The following AKAP6 variants were observed in gnomAD, a reference collection of about 807,000 sequenced individuals.
The protein encoded by AKAP6 is A-kinase anchoring protein 6.
AKAP6 carries 58 observed loss-of-function variants against 188.5 expected under a neutral mutation model. The observed-to-expected ratio is 0.31, with a 90% CI of 0.25 to 0.38. The LOEUF is 0.38. Ranked by LOEUF, AKAP6 falls within the 10% of genes least tolerant of loss-of-function variation. The pLI is 1.00. For synonymous variants in AKAP6, 989 were observed against 998.6 expected (o/e 0.99, Z 0.18); for missense variants, 2,710 against 2,740.0 (o/e 0.99, Z 0.24).
At chr14:32,815,644 C>T (rs887752892) in intron 12 of AKAP6, among the ~76,000 whole-genome samples, 1 of 152,078 alleles carries the variant, frequency 6.6e-6, no homozygotes, top group East Asian at 1.9e-4. Context: ...TTTGGTCGTA[C>T]CAAAGAGATT....
At position 32,732,489 on chromosome 14, in the gene AKAP6, A is replaced by G. The variant is rs757407884; in HGVS notation, c.3036A>G (p.Lys1012=). 2 of 1,613,472 alleles carry G rather than the reference A, an allele frequency of 1.2e-6. No individual in the cohort carries two copies. The highest frequency in any genetic ancestry group is 1.7e-5 in the Admixed American group (1 of 59,892). ...YSVEMSIRHL[K]KTELLSKVEA... is the part of the protein sequence containing the mutation. ...TGGAAATGTCCATCAGACACCTGAA[A>G]AAGACGGAGCTGCTTAGTAAGGTTG... The change falls in exon 10 of 14, where the codon AAA becomes AAG. Residue 1012 remains lysine, a synonymous_variant. Coordinates refer to ENST00000280979, the MANE Select transcript of AKAP6 (RefSeq NM_004274.5).
intron 2 of AKAP6, among the ~76,000 whole-genome samples, chr14:32,503,719 T>G (rs1335643240): frequency 6.6e-6 from 1 of 152,080 alleles, no homozygotes; most frequent in Non-Finnish European, 1.5e-5. Flanking sequence ...TTTTTTGACT[T>G]ATTCTTCCCA....
intron 1 of AKAP6, among the ~76,000 whole-genome samples, chr14:32,421,640 C>A (rs751362471): frequency 1.1e-4 from 17 of 152,064 alleles, no homozygotes; most frequent in Non-Finnish European, 1.9e-4. Flanking sequence ...CTCTGTTATA[C>A]AAATTGGAGC....
chr14:32,657,885 T>C (rs1267852940), intron 7 of AKAP6, among the ~76,000 whole-genome samples: 6 of 152,124 alleles, frequency 3.9e-5, no homozygotes, highest in African/African-American at 1.2e-4. Context: ...AGTTGGCACA[T>C]CTAATTATCA....
In AKAP6 at chr14:32,710,257, C is replaced by A. The variant is rs532373171; in HGVS notation, c.3000+14147C>A. ...GAGCTACTTCTTCTCCCAGTGGATG[C>A]GTAATATATTATTTATGTCGGAGTG... On this transcript the variant is annotated intron_variant, in intron 9 of 13. Coordinates refer to ENST00000280979, the MANE Select transcript of AKAP6 (RefSeq NM_004274.5). 1.9e-3 allele frequency among the ~76,000 whole-genome samples: 283 copies of A among 150,970 alleles called. 2 individuals are homozygous for A. The highest frequency in any genetic ancestry group is 0.013 in the South Asian group (63 of 4,782).
At chr14:32,553,198 T>C (rs1345058961) in intron 4 of AKAP6, among the ~76,000 whole-genome samples, 2 of 151,026 alleles carry the variant, frequency 1.3e-5, no homozygotes, top group Non-Finnish European at 2.9e-5. Flanking sequence ...AGTCTTGCTC[T>C]GTCACCCAGG....
In AKAP6 at chr14:32,732,419, C is replaced by A. The variant is rs760237615; in HGVS notation, c.3001-35C>A. 12 of 1,595,514 alleles carry A rather than the reference C, an allele frequency of 7.5e-6. No homozygotes were observed. The South Asian group carries it at 1.3e-4, about 17-fold the overall frequency. On this transcript the variant is annotated intron_variant, in intron 9 of 13. Coordinates refer to ENST00000280979, the MANE Select transcript of AKAP6 (RefSeq NM_004274.5). Reference sequence around the variant, plus strand: ...AATGATTTTCTAAGAACACCTCTCTCCCTAATGATATCTCTTTTTCTCTTT... The same window carrying A: ...AATGATTTTCTAAGAACACCTCTCTACCTAATGATATCTCTTTTTCTCTTT...
intron 11 of AKAP6, among the ~76,000 whole-genome samples, chr14:32,742,797 A>G (rs891899005): frequency 2.1e-4 from 32 of 152,214 alleles, no homozygotes; most frequent in Middle Eastern, 3.4e-3. Flanking sequence ...CATATGGTCT[A>G]TCCTTGAGAA....
chr14:32,803,554 A>G (rs146796743), intron 12 of AKAP6, among the ~76,000 whole-genome samples: 2 of 152,016 alleles, frequency 1.3e-5, no homozygotes, highest in Non-Finnish European at 2.9e-5. Context: ...CCTCTTCCCA[A>G]ATTTCTTTCT....
At chr14:32,602,924 G>A (rs1393589398) in intron 7 of AKAP6, among the ~76,000 whole-genome samples, 3 of 152,182 alleles carry the variant, frequency 2.0e-5, no homozygotes, top group African/African-American at 4.8e-5. Context: ...GGGACCAGGC[G>A]TTAGAGATGA....
Position 32,545,729 on chromosome 14 carries a change from A to ACG in AKAP6, c.1076_1077insCG (p.Gln359HisfsTer48). 2 of 1,614,224 alleles carry ACG rather than the reference A, an allele frequency of 1.2e-6. No homozygotes were observed. The highest frequency in any genetic ancestry group is 1.7e-6 in the Non-Finnish European group (2 of 1,180,034). On this transcript the variant is annotated frameshift_variant, in exon 4 of 14. Coordinates refer to ENST00000280979, the MANE Select transcript of AKAP6 (RefSeq NM_004274.5). LOFTEE classifies it high-confidence loss of function. ...TCCTCCCATCATGATGCAAAGAATC[A>ACG]GCAGCCTGTTCCTTGTGAAAATGCA...
chr14:32,336,394 A>G (rs1886703163), intron 1 of AKAP6, among the ~76,000 whole-genome samples: 2 of 152,096 alleles, frequency 1.3e-5, no homozygotes, highest in Admixed American at 6.6e-5. Flanking sequence ...ACAAGCTGTA[A>G]AACTATCTGT....
chr14:32,627,793 G>T (rs1345709711), intron 7 of AKAP6, among the ~76,000 whole-genome samples: 1 of 152,074 alleles, frequency 6.6e-6, no homozygotes. Context: ...GTTAGAAAGA[G>T]ATCTAGAAAG....
intron 2 of AKAP6, among the ~76,000 whole-genome samples, chr14:32,453,738 A>C (rs1196214448): frequency 6.7e-6 from 1 of 149,500 alleles, no homozygotes; most frequent in Admixed American, 6.7e-5. Context: ...CTGGGACTAC[A>C]GGCGCCCGCC....
chr14:32,768,000 A>G (rs747381746), intron 11 of AKAP6, among the ~76,000 whole-genome samples: 6 of 152,222 alleles, frequency 3.9e-5, no homozygotes, highest in Non-Finnish European at 8.8e-5. Flanking sequence ...GCTCTTAAGA[A>G]CAGGTACATT....
intron 2 of AKAP6, among the ~76,000 whole-genome samples, chr14:32,439,450 G>C (rs1890495743): frequency 6.6e-6 from 1 of 152,188 alleles, no homozygotes. Context: ...ACCTGGGCTG[G>C]CACCAGGGCA....
chr14:32,709,065 A>C (rs191644744), intron 9 of AKAP6, among the ~76,000 whole-genome samples: 28 of 152,200 alleles, frequency 1.8e-4, no homozygotes, highest in African/African-American at 6.0e-4. Flanking sequence ...AAAGAATTCA[A>C]ATTTGGCTAG....
At position 32,373,162 on chromosome 14, in the gene AKAP6, G is replaced by A. The variant is rs555927604; in HGVS notation, c.-35+43754G>A. On this transcript the variant is annotated intron_variant, in intron 1 of 13. Coordinates refer to ENST00000280979, the MANE Select transcript of AKAP6 (RefSeq NM_004274.5). ...CCTTGCCTGCTGCCTAGACAGAGCC[G>A]ATTCATCAGGACAGGGGAACTGTAA... Among the ~76,000 whole-genome samples the A allele has an allele frequency of 1.7e-3, 260 of 152,162 alleles. 2 individuals are homozygous for A. The highest frequency in any genetic ancestry group is 6.1e-3 in the African/African-American group (254 of 41,506).
intron 1 of AKAP6, among the ~76,000 whole-genome samples, chr14:32,407,696 A>G (rs932884564): frequency 1.3e-5 from 2 of 152,232 alleles, no homozygotes; most frequent in South Asian, 4.1e-4. Context: ...ATGGTTTTAG[A>G]CTTACAGGCT....
Sources: allele counts gnomAD v4.1 joint callset (sites outside exome capture counted in the v4.1 genomes callset), GRCh38; gene constraint gnomAD v4.1.1; transcripts MANE v1.5; gene names NCBI Gene and HGNC (gene_info 2026-07-23, HGNC 2026-07-21).